LBP: variants seen among roughly 807,000 people sequenced by gnomAD.
LBP encodes lipopolysaccharide binding protein.
LBP carries 53 observed loss-of-function variants against 56.6 expected under a neutral mutation model. The observed-to-expected ratio is 0.94, with a 90% confidence interval of 0.75 to 1.18. The LOEUF (loss-of-function observed/expected upper bound fraction) is 1.18. Ranked by LOEUF, LBP falls within the 50% of genes most tolerant of loss-of-function variation. The pLI, the probability that LBP is intolerant of heterozygous loss-of-function variation, is 0.00. For missense variants in LBP, 601 were observed against 598.3 expected, an observed-to-expected ratio of 1.00 and a Z score of -0.05; for synonymous variants, 227 against 247.5, an observed-to-expected ratio of 0.92 and a Z score of 0.78.
chr20:38,356,412 ACACACGCG>A (rs1191057967), intron 5 of LBP, among the ~76,000 whole-genome samples: 1 of 61,614 alleles, frequency 1.6e-5, no homozygotes, highest in African/African-American at 1.1e-4. Context: ...CCCACACCAC[ACACACGCG>A]CACACACACA....
chr20:38,352,355 C>A (rs1430965364), intron 3 of LBP, among the ~76,000 whole-genome samples: 1 of 152,180 alleles, frequency 6.6e-6, no homozygotes, highest in Admixed American at 6.5e-5. Flanking sequence ...AAGCCACCAG[C>A]CATGCCTTTA....
chr20:38,364,239 C>T (rs1044364091), intron 7 of LBP, among the ~76,000 whole-genome samples, 173 bp downstream of exon 7: 1 of 152,178 alleles, frequency 6.6e-6, no homozygotes, highest in East Asian at 1.9e-4. Context: ...CTAGGATTCT[C>T]CCACGGCTGT....
chr20:38,360,676 T>G (rs1344157807), intron 5 of LBP, 28 bp from the exon 6 acceptor site: 1 of 1,558,692 alleles, frequency 6.4e-7, no homozygotes, highest in East Asian at 2.2e-5. Context: ...GGGAACTCAC[T>G]CAGTCATTCT....
At chr20:38,348,145 C>T (rs1263681554) in intron 1 of LBP, among the ~76,000 whole-genome samples, 1 of 152,154 alleles carries the variant, frequency 6.6e-6, no homozygotes, top group Non-Finnish European at 1.5e-5. Context: ...CCATGTCTGC[C>T]TTGGGGACAG....
intron 6 of LBP, among the ~76,000 whole-genome samples, chr20:38,361,289 A>C (rs1568831338): frequency 1.3e-5 from 2 of 152,358 alleles, no homozygotes; most frequent in East Asian, 3.9e-4. Flanking sequence ...GTACAAATAT[A>C]AATACATGTA....
rs571584747 is a variant in LBP, at chr20:38,354,343, T to A, written c.428T>A (p.Leu143Gln). ...GGCATCAGCATTTCGGTCAACCTCC[T>A]GTTGGGCAGCGAGTCCTCCGGGAGG... ...VKGISISVNL[L>Q]LGSESSGRPT... The change falls in exon 4 of 15, where the codon CTG (leucine) becomes CAG (glutamine). Residue 143 changes from leucine to glutamine, a missense_variant. Physicochemically the swap from Leu to Gln is moderately radical, Grantham distance 113 (BLOSUM62 -2). Coordinates refer to ENST00000217407, the MANE Select transcript of LBP (RefSeq NM_004139.5). 483 of 1,613,824 alleles carry A rather than the reference T, an allele frequency of 3.0e-4. 7 individuals carry two copies. In the South Asian group the frequency reaches 5.0e-3, roughly 17 times the overall value.
chr20:38,362,960 A>C (rs1306875968), intron 6 of LBP, among the ~76,000 whole-genome samples: 1 of 152,142 alleles, frequency 6.6e-6, no homozygotes, highest in Non-Finnish European at 1.5e-5. Flanking sequence ...AAAGAAATGA[A>C]ATAAAATAAA....
intron 5 of LBP, 94 bp downstream of exon 5, chr20:38,355,503 C>A: frequency 8.9e-7 from 1 of 1,127,574 alleles, no homozygotes; most frequent in Non-Finnish European, 1.3e-6. Context: ...GCCATGGGGG[C>A]TGGTTTAGAC....
intron 5 of LBP, among the ~76,000 whole-genome samples, chr20:38,358,570 A>G (rs2076849239): frequency 6.6e-6 from 1 of 152,116 alleles, no homozygotes; most frequent in Admixed American, 6.5e-5. Flanking sequence ...ACCACACTTG[A>G]CCTTGCTTTC....
chr20:38,352,515 G>T (rs575555530), intron 3 of LBP, among the ~76,000 whole-genome samples: 2 of 152,236 alleles, frequency 1.3e-5, no homozygotes, highest in African/African-American at 4.8e-5. Context: ...AGCACTTTGG[G>T]AGGCTGAGGC....
chr20:38,360,497 A>G (rs1408106939), intron 5 of LBP, among the ~76,000 whole-genome samples: 2 of 152,124 alleles, frequency 1.3e-5, no homozygotes, highest in Non-Finnish European at 2.9e-5. Flanking sequence ...GAAAAGTCCA[A>G]CTGGACCCTA....
At chr20:38,353,337 C>T (rs561905320) in intron 3 of LBP, among the ~76,000 whole-genome samples, 3 of 152,120 alleles carry the variant, frequency 2.0e-5, no homozygotes, top group Non-Finnish European at 2.9e-5. Context: ...ATTTCCCTTC[C>T]CCCAGCTCCA....
intron 2 of LBP, among the ~76,000 whole-genome samples, chr20:38,350,325 T>C (rs967263965): frequency 6.6e-6 from 1 of 152,192 alleles, no homozygotes; most frequent in Admixed American, 6.5e-5. Context: ...AACTTGACCG[T>C]TCTTTTCCCA....
rs1343543691 is a variant in LBP at position 38,364,745 on chromosome 20, A to T, written c.914A>T (p.Asp305Val). The change falls in exon 8 of 15, where the codon GAT (aspartate) becomes GTT (valine). Residue 305 changes from aspartate to valine, a missense_variant. By Grantham distance (152) the Asp-to-Val change is radical (BLOSUM62 -3). Transcript: ENST00000217407. ...GGATATCTGAACTTCTCCATCACAG[A>T]TGACATGGTGAGGATGGTGGCAAAC... ...EEGYLNFSIT[D>V]DMIPPDSNIR... The T allele has an allele frequency of 3.1e-6, 5 of 1,608,520 alleles. No homozygotes were observed. Among genetic ancestry groups the T allele is most frequent in the African/African-American group, 1.3e-5 (1 of 74,828 alleles).
chr20:38,363,728 G>C (rs899972730), intron 6 of LBP, among the ~76,000 whole-genome samples: 30 of 152,152 alleles, frequency 2.0e-4, no homozygotes, highest in African/African-American at 7.2e-4. Flanking sequence ...GTATGTGTGT[G>C]TGTGTGTGTG....
intron 8 of LBP, 27 bp downstream of exon 8, chr20:38,364,779 CAAAT>C (rs1177305368): frequency 3.8e-6 from 6 of 1,577,876 alleles, no homozygotes; most frequent in Non-Finnish European, 5.2e-6. Flanking sequence ...ACAGGTCTCT[CAAAT>C]GAACACATAA....
intron 12 of LBP, 106 bp from the exon 13 acceptor site, chr20:38,372,966 A>T: frequency 1.2e-6 from 1 of 862,628 alleles, no homozygotes; most frequent in Non-Finnish European, 2.0e-6. Context: ...TAGTAGCATG[A>T]TGTAATACTA....
chr20:38,346,890 T>C (rs923213962), intron 1 of LBP, among the ~76,000 whole-genome samples: 1 of 152,182 alleles, frequency 6.6e-6, no homozygotes, highest in Non-Finnish European at 1.5e-5. Context: ...GTAGTTGATT[T>C]GGGAAATGAT....
rs1367241058 is a variant in LBP at position 38,369,095 on chromosome 20, A to G, written c.1082A>G (p.Tyr361Cys). 1.2e-6 allele frequency: 2 copies of G among 1,614,140 alleles called. No homozygotes were observed. Among genetic ancestry groups the G allele is most frequent in the Non-Finnish European group, 1.7e-6 (2 of 1,180,012 alleles). The change falls in exon 10 of 15, where the codon TAT becomes TGT. Residue 361 changes from tyrosine to cysteine, a missense_variant. Transcript: ENST00000217407. ...FSPGNLSVDP[Y>C]MEIDAFVLLP... Reference sequence around the variant, plus strand: ...CCTGGGAATCTGTCTGTGGACCCCTATATGGAGATAGATGCCTTTGTGCTC... The same window carrying G: ...CCTGGGAATCTGTCTGTGGACCCCTGTATGGAGATAGATGCCTTTGTGCTC...
Sources: gnomAD v4.1 joint callset for allele counts (sites outside exome capture counted in the v4.1 genomes callset) on GRCh38, gnomAD v4.1.1 for gene constraint, MANE v1.5 for transcripts, NCBI Gene and HGNC (gene_info 2026-07-23, HGNC 2026-07-21) for gene names.